SDCCAG8: variants seen among roughly 807,000 people sequenced by gnomAD.
SDCCAG8 encodes SHH signaling and ciliogenesis regulator SDCCAG8.
A neutral mutation model predicts 101.8 loss-of-function variants in SDCCAG8; 74 were observed. That is an observed-to-expected ratio of 0.73 (90% CI 0.60 to 0.88). The LOEUF is 0.88. SDCCAG8 is among the 40% of genes least tolerant of loss of function. The probability of loss-of-function intolerance (pLI) is 0.00; values close to 1 mark genes in which losing one functional copy is unlikely to be tolerated. For synonymous variants in SDCCAG8, 281 were observed against 292.9 expected (o/e 0.96, Z 0.41); for missense variants, 787 against 822.6 (o/e 0.96, Z 0.53).
chr1:243,274,766 C>T (rs978397224), intron 4 of SDCCAG8, 110 bp downstream of exon 4: 1 of 675,522 alleles, frequency 1.5e-6, no homozygotes, highest in Middle Eastern at 4.2e-4. Context: ...AATACATTGA[C>T]AATTGCTATT....
At chr1:243,379,722 G>A (rs974962748) in intron 13 of SDCCAG8, among the ~76,000 whole-genome samples, 1 of 152,172 alleles carries the variant, frequency 6.6e-6, no homozygotes, top group Non-Finnish European at 1.5e-5. Flanking sequence ...TCAGTTTTTA[G>A]AGAGAACTTT....
chr1:243,397,630 G>A (rs996150971), intron 13 of SDCCAG8, among the ~76,000 whole-genome samples: 1 of 152,144 alleles, frequency 6.6e-6, no homozygotes, highest in African/African-American at 2.4e-5. Context: ...TGTTGTTTTG[G>A]ATCTCTGTTC....
At chr1:243,360,250 A>G (rs966403037) in intron 12 of SDCCAG8, among the ~76,000 whole-genome samples, 5 of 144,418 alleles carry the variant, frequency 3.5e-5, no homozygotes, top group African/African-American at 1.0e-4. Context: ...GGTTCACGCC[A>G]TTCTCCTGCC....
chr1:243,471,562 G>A (rs551053014), intron 16 of SDCCAG8, among the ~76,000 whole-genome samples: 10 of 151,938 alleles, frequency 6.6e-5, no homozygotes, highest in East Asian at 1.9e-4. Context: ...CCAGCTTTTC[G>A]TGCCTCTTGA....
chr1:243,326,608 TTATTCA>T (rs2074168010), intron 9 of SDCCAG8, among the ~76,000 whole-genome samples: 1 of 152,338 alleles, frequency 6.6e-6, no homozygotes, highest in South Asian at 2.1e-4. Context: ...ATAGTTTGCA[TTATTCA>T]TAAGTTAGAT....
intron 1 of SDCCAG8, among the ~76,000 whole-genome samples, chr1:243,263,474 G>A (rs1167137662): frequency 6.6e-6 from 1 of 152,014 alleles, no homozygotes; most frequent in Non-Finnish European, 1.5e-5. Flanking sequence ...ATTTGCTGGT[G>A]ATTTTACCTA....
intron 12 of SDCCAG8, among the ~76,000 whole-genome samples, chr1:243,352,920 A>G (rs2076159922): frequency 6.6e-6 from 1 of 152,148 alleles, no homozygotes; most frequent in African/African-American, 2.4e-5. Context: ...GGCCATTTAC[A>G]TATACCTGTA....
intron 17 of SDCCAG8, among the ~76,000 whole-genome samples, chr1:243,491,535 G>A (rs771568353): frequency 6.6e-6 from 1 of 152,214 alleles, no homozygotes; most frequent in Non-Finnish European, 1.5e-5. Flanking sequence ...ATCCAGGTTT[G>A]CAAGCTCTCT....
rs771864549 is a variant in SDCCAG8, at chr1:243,274,515, GTATT to G, written c.307-14_307-11del. ...GGCTTTTTAAAATTTATGTATTTAT[GTATT>G]TATTTATTTATTTTTTGTCATAGAG... On this transcript the variant is annotated intron_variant, in intron 3 of 17. Transcript: ENST00000366541. The G allele has an allele frequency of 8.7e-5, 110 of 1,257,160 alleles. No homozygotes were observed. The highest frequency in any genetic ancestry group is 1.1e-4 in the Non-Finnish European group (96 of 862,978). The allele number at this position is 1,257,160 out of a possible 1,614,324, so 77.9% of individuals were successfully genotyped here.
At chr1:243,487,517 T>C (rs1665220399) in intron 16 of SDCCAG8, among the ~76,000 whole-genome samples, 1 of 152,142 alleles carries the variant, frequency 6.6e-6, no homozygotes, top group Non-Finnish European at 1.5e-5. Flanking sequence ...GAAACACTCC[T>C]ACTTGGATGG....
chr1:243,364,694 A>T (rs1373190966), intron 12 of SDCCAG8, among the ~76,000 whole-genome samples: 1 of 152,228 alleles, frequency 6.6e-6, no homozygotes, highest in Non-Finnish European at 1.5e-5. Flanking sequence ...AAACAAAATC[A>T]TTTAGTTTGA....
intron 17 of SDCCAG8, among the ~76,000 whole-genome samples, chr1:243,493,379 A>T (rs1481869507): frequency 1.3e-5 from 2 of 152,188 alleles, no homozygotes; most frequent in Non-Finnish European, 2.9e-5. Context: ...GTGAGGAAAC[A>T]TGAGTCTTGG....
At position 243,393,675 on chromosome 1, in the gene SDCCAG8, A is replaced by G. The variant is rs73118387; in HGVS notation, c.1616+14812A>G. Among the ~76,000 whole-genome samples the G allele has an allele frequency of 9.3e-3, 1,416 of 152,248 alleles. 25 individuals are homozygous for G. Among genetic ancestry groups the G allele is most frequent in the African/African-American group, 0.033 (1,355 of 41,536 alleles). The stretch of plus-strand genomic sequence containing the variant: ...TTGTATGGTTCTGGCAATCTAATGT[A>G]TACAGTGTGGCACATGGAATGATCA... On this transcript the variant is annotated intron_variant, in intron 13 of 17. Transcript: ENST00000366541.
chr1:243,410,664 A>G (rs950970118), intron 13 of SDCCAG8, among the ~76,000 whole-genome samples: 11 of 152,194 alleles, frequency 7.2e-5, no homozygotes, highest in African/African-American at 2.7e-4. Flanking sequence ...TCCCAGGGTC[A>G]TTGTTGAGCT....
At chr1:243,388,320 C>A (rs1313074084) in intron 13 of SDCCAG8, among the ~76,000 whole-genome samples, 1 of 152,162 alleles carries the variant, frequency 6.6e-6, no homozygotes, top group Non-Finnish European at 1.5e-5. Flanking sequence ...CCTTTGATTT[C>A]AAACTGTAAG....
At chr1:243,412,673 C>T (rs1573901421) in intron 13 of SDCCAG8, among the ~76,000 whole-genome samples, 1 of 151,800 alleles carries the variant, frequency 6.6e-6, no homozygotes, top group East Asian at 1.9e-4. Flanking sequence ...GACGATTCTC[C>T]CAGTGTGACC....
intron 11 of SDCCAG8, among the ~76,000 whole-genome samples, chr1:243,343,861 C>T (rs1328709226): frequency 6.6e-6 from 1 of 152,138 alleles, no homozygotes; most frequent in African/African-American, 2.4e-5. Flanking sequence ...TGAATAATAA[C>T]ATAGCTTAAC....
intron 12 of SDCCAG8, among the ~76,000 whole-genome samples, chr1:243,373,147 C>CA (rs1241397972): frequency 6.6e-6 from 1 of 151,442 alleles, no homozygotes; most frequent in Non-Finnish European, 1.5e-5. Flanking sequence ...GGATCTTGGC[C>CA]AAAAAAATGT....
intron 1 of SDCCAG8, among the ~76,000 whole-genome samples, chr1:243,260,220 A>T (rs887512472): frequency 1.3e-5 from 2 of 152,216 alleles, no homozygotes; most frequent in Non-Finnish European, 2.9e-5. Flanking sequence ...AAATGGTCTG[A>T]AAGTTTCCAG....
Sources: allele counts gnomAD v4.1 joint callset (sites outside exome capture counted in the v4.1 genomes callset), GRCh38; gene constraint gnomAD v4.1.1; transcripts MANE v1.5; gene names NCBI Gene and HGNC (gene_info 2026-07-23, HGNC 2026-07-21).